Variants in PTPRD observed in about 807,000 individuals in gnomAD.
PTPRD encodes the protein protein tyrosine phosphatase receptor type D.
A neutral mutation model predicts 214.5 loss-of-function variants in PTPRD; 34 were observed. The observed-to-expected ratio is 0.16, with a 90% confidence interval of 0.12 to 0.21. The LOEUF (loss-of-function observed/expected upper bound fraction) is 0.21. PTPRD is among the 10% of genes least tolerant of loss of function. The pLI is 1.00. For synonymous variants in PTPRD, 1,128 were observed against 845.7 expected (o/e 1.33, Z -5.79); for missense variants, 2,545 against 2,398.7 (o/e 1.06, Z -1.27).
At position 10,251,545 on chromosome 9, in the gene PTPRD, A is replaced by C. The variant is rs147144861; in HGVS notation, c.-545+89418T>G. On this transcript the variant is annotated intron_variant, in intron 3 of 45. Transcript: ENST00000381196. ...ATCTTCACAATGGATAATACAATAA[A>C]ATCCACATTATATGAATGAGCTTGT... Among the ~76,000 whole-genome samples, 609 of 152,234 alleles carry C rather than the reference A, an allele frequency of 4.0e-3. 7 individuals are homozygous for C. The highest frequency in any genetic ancestry group is 0.013 in the African/African-American group (557 of 41,542).
intron 7 of PTPRD, among the ~76,000 whole-genome samples, chr9:9,638,511 T>A (rs2095842695): frequency 6.6e-6 from 1 of 152,206 alleles, no homozygotes; most frequent in Admixed American, 6.5e-5. Flanking sequence ...ATCAATTAAG[T>A]AATGTCTAAG....
chr9:9,363,953 T>C (rs1228073820), intron 9 of PTPRD, among the ~76,000 whole-genome samples: 1 of 151,444 alleles, frequency 6.6e-6, no homozygotes, highest in Non-Finnish European at 1.5e-5. Context: ...TAATTCATTA[T>C]ATCCCCACAC....
intron 7 of PTPRD, among the ~76,000 whole-genome samples, chr9:9,667,202 G>A (rs1181125655): frequency 6.6e-6 from 1 of 151,866 alleles, no homozygotes; most frequent in Non-Finnish European, 1.5e-5. Context: ...GTTTTCTTAG[G>A]CTGATACTTC....
chr9:9,905,343 T>C (rs568969707), intron 5 of PTPRD, among the ~76,000 whole-genome samples: 1 of 152,104 alleles, frequency 6.6e-6, no homozygotes, highest in South Asian at 2.1e-4. Context: ...ATTAGCTCAA[T>C]TGTTGTTATT....
intron 10 of PTPRD, among the ~76,000 whole-genome samples, chr9:9,166,332 G>A (rs1592761442): frequency 6.6e-6 from 1 of 152,126 alleles, no homozygotes; most frequent in South Asian, 2.1e-4. Context: ...ACTCTCTTGT[G>A]TTTATTCCTG....
chr9:9,209,549 A>G (rs1281608332), intron 9 of PTPRD, among the ~76,000 whole-genome samples: 1 of 152,168 alleles, frequency 6.6e-6, no homozygotes, highest in African/African-American at 2.4e-5. Flanking sequence ...AATCTTAGAG[A>G]TATCTACTGA....
intron 2 of PTPRD, among the ~76,000 whole-genome samples, chr9:10,555,659 C>A (rs2062398453): frequency 6.6e-6 from 1 of 152,068 alleles, no homozygotes; most frequent in Admixed American, 6.5e-5. Context: ...CAGACAAATC[C>A]TTTTTATTAC....
intron 11 of PTPRD, among the ~76,000 whole-genome samples, chr9:8,826,137 A>G (rs2097170408): frequency 6.6e-6 from 1 of 151,776 alleles, no homozygotes; most frequent in Non-Finnish European, 1.5e-5. Flanking sequence ...TTTCTTCCCA[A>G]TCTTCCTCCT....
intron 11 of PTPRD, among the ~76,000 whole-genome samples, chr9:9,007,617 C>CCTTTA (rs1432853915): frequency 1.3e-5 from 2 of 151,680 alleles, no homozygotes; most frequent in Non-Finnish European, 2.9e-5. Context: ...GACCATCATG[C>CCTTTA]CTTTACCTTC....
chr9:10,136,156 T>C lies in PTPRD; in HGVS notation c.-544-102366A>G, dbSNP rs565997368. On this transcript the variant is annotated intron_variant, in intron 3 of 45. Transcript: ENST00000381196. Reference sequence around the variant, plus strand: ...GACAGAGCAAGACATTACATAACAATAAAATATTCAATTCAACAAGAACAC... The same window carrying C: ...GACAGAGCAAGACATTACATAACAACAAAATATTCAATTCAACAAGAACAC... 1.1e-3 allele frequency among the ~76,000 whole-genome samples: 160 copies of C among 151,768 alleles called. 1 individual carries two copies. Among genetic ancestry groups the C allele is most frequent in the Admixed American group, 4.9e-3 (75 of 15,182 alleles).
At chr9:9,311,928 A>T (rs745801923) in intron 9 of PTPRD, among the ~76,000 whole-genome samples, 5 of 152,198 alleles carry the variant, frequency 3.3e-5, no homozygotes, top group Non-Finnish European at 7.4e-5. Context: ...AACTTTTTAT[A>T]CCAGTGTCAA....
chr9:9,451,705 A>C (rs2092231548), intron 8 of PTPRD, among the ~76,000 whole-genome samples: 2 of 151,714 alleles, frequency 1.3e-5, no homozygotes, highest in Non-Finnish European at 3.0e-5. Context: ...AAAAACCCTT[A>C]AAATATGAGC....
intron 35 of PTPRD, among the ~76,000 whole-genome samples, chr9:8,416,608 T>C (rs2093956565): frequency 6.6e-6 from 1 of 152,142 alleles, no homozygotes; most frequent in Non-Finnish European, 1.5e-5. Flanking sequence ...AGCTGGCTTT[T>C]GGGGTCCATG....
chr9:10,366,540 T>C (rs2097520925), intron 2 of PTPRD, among the ~76,000 whole-genome samples: 2 of 152,204 alleles, frequency 1.3e-5, no homozygotes, highest in African/African-American at 2.4e-5. Flanking sequence ...AGTGAATTGT[T>C]ATACTTAAGA....
intron 2 of PTPRD, among the ~76,000 whole-genome samples, chr9:10,589,125 T>G (rs888850814): frequency 6.6e-6 from 1 of 152,050 alleles, no homozygotes; most frequent in African/African-American, 2.4e-5. Flanking sequence ...GTAGGTAAAG[T>G]TGAAATCATA....
intron 2 of PTPRD, among the ~76,000 whole-genome samples, chr9:10,418,542 C>T (rs563975786): frequency 6.6e-6 from 1 of 151,308 alleles, no homozygotes; most frequent in East Asian, 2.0e-4. Context: ...TAGCATTTAT[C>T]ACCATCTGGC....
chr9:8,796,426 C>G (rs1402118240), intron 11 of PTPRD, among the ~76,000 whole-genome samples: 3 of 152,152 alleles, frequency 2.0e-5, no homozygotes, highest in Non-Finnish European at 4.4e-5. Context: ...AATGGTCCCA[C>G]TAAATTACAA....
intron 12 of PTPRD, among the ~76,000 whole-genome samples, chr9:8,692,482 C>T (rs2097828176): frequency 6.6e-6 from 1 of 152,140 alleles, no homozygotes; most frequent in Non-Finnish European, 1.5e-5. Context: ...TCCCATTAAC[C>T]ATTGCCTCAT....
intron 9 of PTPRD, among the ~76,000 whole-genome samples, chr9:9,364,845 T>C (rs1173698957): frequency 5.3e-5 from 8 of 151,192 alleles, no homozygotes; most frequent in African/African-American, 7.3e-5. Context: ...CTGTGAGCAG[T>C]GTTGAGTGTG....
Sources: gnomAD v4.1 joint callset for allele counts (sites outside exome capture counted in the v4.1 genomes callset) on GRCh38, gnomAD v4.1.1 for gene constraint, MANE v1.5 for transcripts, NCBI Gene and HGNC (gene_info 2026-07-23, HGNC 2026-07-21) for gene names.